CACNA1E: variants seen among roughly 807,000 people sequenced by gnomAD.
CACNA1E encodes calcium voltage-gated channel subunit alpha1 E.
Under a neutral mutation model 259.2 loss-of-function variants are expected in CACNA1E, and 40 were observed. The ratio of observed to expected loss-of-function variants is 0.15; its 90% CI spans 0.12 to 0.20. CACNA1E has a LOEUF of 0.20. Ranked by LOEUF, CACNA1E falls within the 10% of genes least tolerant of loss-of-function variation. The pLI is 1.00. For synonymous variants in CACNA1E, 1,104 were observed against 1,138.5 expected, an observed-to-expected ratio of 0.97 and a Z score of 0.61; for missense variants, 1,874 against 3,040.1, an observed-to-expected ratio of 0.62 and a Z score of 9.02.
chr1:181,481,831 A>ATT (rs112307667), upstream of CACNA1E, among the ~76,000 whole-genome samples: 739 of 140,926 alleles, frequency 5.2e-3, 5 homozygotes, highest in African/African-American at 0.019. Flanking sequence ...TACCAATTCT[A>ATT]TTTTTTTTTT....
intron 6 of CACNA1E, among the ~76,000 whole-genome samples, chr1:181,622,855 G>A (rs184663635): frequency 7.9e-5 from 12 of 152,238 alleles, no homozygotes; most frequent in African/African-American, 2.9e-4. Context: ...GAAGATGCAA[G>A]GGAGAGATCT....
chr1:181,689,382 T>C (rs769442153), intron 7 of CACNA1E, among the ~76,000 whole-genome samples: 13 of 152,248 alleles, frequency 8.5e-5, no homozygotes, highest in Admixed American at 2.6e-4. Flanking sequence ...AGTCTATCAT[T>C]GATGGGCATT....
At chr1:181,375,018 T>G (rs1654994186) in intron 1 of CACNA1E, among the ~76,000 whole-genome samples, 1 of 152,142 alleles carries the variant, frequency 6.6e-6, no homozygotes, top group African/African-American at 2.4e-5. Context: ...TACAACATAG[T>G]TAAGATGAAT....
chr1:181,433,932 G>T (rs1196010783), intron 2 of CACNA1E, among the ~76,000 whole-genome samples: 1 of 152,224 alleles, frequency 6.6e-6, no homozygotes, highest in African/African-American at 2.4e-5. Context: ...CTTGACCAAT[G>T]TAAAAAGCAA....
intron 2 of CACNA1E, among the ~76,000 whole-genome samples, chr1:181,420,646 G>T (rs147091137): frequency 6.6e-6 from 1 of 152,174 alleles, no homozygotes; most frequent in Non-Finnish European, 1.5e-5. Context: ...CATTTATTGA[G>T]CACTGGCTAT....
At chr1:181,670,165 A>G (rs766622068) in intron 7 of CACNA1E, among the ~76,000 whole-genome samples, 1 of 152,218 alleles carries the variant, frequency 6.6e-6, no homozygotes, top group Non-Finnish European at 1.5e-5. Context: ...TTCTGAGGTT[A>G]TAGTCCATAG....
chr1:181,647,197 G>A (rs779632603), intron 6 of CACNA1E, among the ~76,000 whole-genome samples: 6 of 152,274 alleles, frequency 3.9e-5, no homozygotes, highest in Non-Finnish European at 5.9e-5. Flanking sequence ...AGGGGCTGGC[G>A]TCTTCTGGGC....
intron 18 of CACNA1E, among the ~76,000 whole-genome samples, chr1:181,726,663 C>G (rs1410768517): frequency 6.6e-6 from 1 of 152,172 alleles, no homozygotes; most frequent in Non-Finnish European, 1.5e-5. Flanking sequence ...AGCTTTTATT[C>G]TAGCTGAAAT....
At chr1:181,427,169 C>T (rs1659343671) in intron 2 of CACNA1E, among the ~76,000 whole-genome samples, 1 of 151,752 alleles carries the variant, frequency 6.6e-6, no homozygotes, top group Non-Finnish European at 1.5e-5. Context: ...ACACTCATCT[C>T]AACGCCTCCC....
At chr1:181,384,879 T>G (rs1655728747) in intron 1 of CACNA1E, among the ~76,000 whole-genome samples, 1 of 150,712 alleles carries the variant, frequency 6.6e-6, no homozygotes, top group South Asian at 2.1e-4. Context: ...CCCTAAAACT[T>G]AAAGTATATA....
chr1:181,442,509 C>T (rs367548013), intron 2 of CACNA1E, among the ~76,000 whole-genome samples: 21 of 152,192 alleles, frequency 1.4e-4, no homozygotes, highest in African/African-American at 5.1e-4. Context: ...TTCATCTTTG[C>T]TCCTCATTTT....
intron 6 of CACNA1E, among the ~76,000 whole-genome samples, chr1:181,590,410 A>ATATATATATATATAT (rs1489019194): frequency 8.4e-6 from 1 of 119,120 alleles, no homozygotes; most frequent in Non-Finnish European, 1.7e-5. Flanking sequence ...ACAAAAAAAA[A>ATATATATATATATAT]AAAAAAATAT....
At chr1:181,465,358 G>A (rs759913756) in intron 2 of CACNA1E, among the ~76,000 whole-genome samples, 1 of 151,972 alleles carries the variant, frequency 6.6e-6, no homozygotes, top group East Asian at 1.9e-4. Context: ...TCTTGACTTG[G>A]AGGATTTATA....
intron 7 of CACNA1E, among the ~76,000 whole-genome samples, chr1:181,677,227 TCCAA>T (rs563010798): frequency 2.4e-4 from 37 of 152,288 alleles, no homozygotes; most frequent in African/African-American, 8.7e-4. Flanking sequence ...AGTCATGTTC[TCCAA>T]CTTGCTTTAT....
chr1:181,785,572 G>C, intron 42 of CACNA1E, 141 bp from the exon 43 acceptor site: 1 of 863,156 alleles, frequency 1.2e-6, no homozygotes, highest in East Asian at 2.4e-5. Flanking sequence ...CGTGGAATTA[G>C]AAACCCAGTG....
chr1:181,324,425 C>T (rs369774989), intron 1 of CACNA1E, among the ~76,000 whole-genome samples: 13 of 152,152 alleles, frequency 8.5e-5, no homozygotes, highest in East Asian at 7.7e-4. Context: ...CACAGATTCT[C>T]TATGGCTATT....
chr1:181,461,343 C>T (rs981654099), intron 2 of CACNA1E, among the ~76,000 whole-genome samples: 4 of 151,272 alleles, frequency 2.6e-5, no homozygotes, highest in Non-Finnish European at 5.9e-5. Flanking sequence ...AGATCGAGAC[C>T]ATCCTGGCTA....
At chr1:181,751,572 C>A (rs147291491) in intron 26 of CACNA1E, among the ~76,000 whole-genome samples, 1 of 152,320 alleles carries the variant, frequency 6.6e-6, no homozygotes, top group East Asian at 1.9e-4. Flanking sequence ...CCCTGCCTCA[C>A]CTTGCTGTCT....
chr1:181,590,821 C>T (rs1356879051), intron 6 of CACNA1E, among the ~76,000 whole-genome samples: 8 of 152,082 alleles, frequency 5.3e-5, no homozygotes, highest in African/African-American at 1.9e-4. Flanking sequence ...ACTCCGAACC[C>T]AGGACTTGTC....
Sources: gnomAD v4.1 joint callset for allele counts (sites outside exome capture counted in the v4.1 genomes callset) on GRCh38, gnomAD v4.1.1 for gene constraint, MANE v1.5 for transcripts, NCBI Gene and HGNC (gene_info 2026-07-23, HGNC 2026-07-21) for gene names.